Variants in SLC9A7 observed in about 807,000 individuals in gnomAD.
The protein encoded by SLC9A7 is solute carrier family 9 member A7.
Under a neutral mutation model 52.6 loss-of-function variants are expected in SLC9A7, and 19 were observed. The ratio of observed to expected loss-of-function variants is 0.36; its 90% CI spans 0.25 to 0.53. SLC9A7 has a LOEUF of 0.53. SLC9A7 is among the 20% of genes least tolerant of loss of function. SLC9A7 has a pLI of 0.91. For synonymous variants in SLC9A7, 226 were observed against 252.1 expected, an observed-to-expected ratio of 0.90 and a Z score of 0.98; for missense variants, 455 against 597.9, an observed-to-expected ratio of 0.76 and a Z score of 2.49.
intron 1 of SLC9A7, among the ~76,000 whole-genome samples, chrX:46,728,596 T>A (rs1179927448): frequency 8.9e-6 from 1 of 112,406 alleles, no homozygotes; most frequent in African/African-American, 3.2e-5. Context: ...TTTTTAAAGT[T>A]AAACATACAC....
intron 1 of SLC9A7, among the ~76,000 whole-genome samples, chrX:46,729,821 A>G (rs987653013): frequency 8.9e-6 from 1 of 111,966 alleles, no homozygotes; most frequent in Non-Finnish European, 1.9e-5. Context: ...TCTTGCCTTC[A>G]ATGTCAAACT....
intron 1 of SLC9A7, among the ~76,000 whole-genome samples, chrX:46,684,590 A>G (rs28445915): frequency 0.23 from 25,730 of 111,580 alleles, 2,397 homozygotes; most frequent in South Asian, 0.4. Flanking sequence ...TGAAAGCTCC[A>G]TAACTCAGAT....
At chrX:46,696,275 T>G (rs1180626692) in intron 1 of SLC9A7, among the ~76,000 whole-genome samples, 1 of 111,140 alleles carries the variant, frequency 9.0e-6, no homozygotes. Context: ...CGTGAGCGAC[T>G]GCGCCCAGCC....
chrX:46,693,547 TA>T (rs1481856746), intron 1 of SLC9A7, among the ~76,000 whole-genome samples: 1 of 110,245 alleles, frequency 9.1e-6, no homozygotes, highest in Non-Finnish European at 1.9e-5. Context: ...AAGATGAACT[TA>T]GACTCTGACC....
In SLC9A7 at chrX:46,682,462, A is replaced by G. The variant is rs1440785573; in HGVS notation, c.399T>C (p.Thr133=). ...TSGRDKSLSC[T]QEDRAFSTLL... is the part of the protein sequence containing the mutation. ...AGGTACTGAAGGCCCTGTCTTCCTG[A>G]GTGCAGCTGAGTGATTTGTCACGGC... Residue 133 remains threonine (T), a synonymous_variant, in exon 2 of 17, where the codon ACT becomes ACC. Coordinates refer to ENST00000616978, the MANE Select transcript of SLC9A7 (RefSeq NM_001257291.2). 1 of 1,211,209 alleles carries G rather than the reference A, an allele frequency of 8.3e-7. No individual in the cohort carries two copies. The highest frequency in any genetic ancestry group is 3.0e-5 in the East Asian group (1 of 33,828).
chrX:46,660,965 C>T (rs1943806515), intron 7 of SLC9A7, among the ~76,000 whole-genome samples: 2 of 109,098 alleles, frequency 1.8e-5, no homozygotes, highest in African/African-American at 6.7e-5. Context: ...AGACTTGGAA[C>T]CAACCCAAAT....
At position 46,606,843 on chromosome X, in the gene SLC9A7, AAG is replaced by A; in HGVS notation, c.*107_*108del. 8.6e-7 allele frequency: 1 copy of A among 1,162,884 alleles called. No homozygotes were observed. Among genetic ancestry groups the A allele is most frequent in the Non-Finnish European group, 1.1e-6 (1 of 870,747 alleles). ...ATAGCTTCAGACCCCAATAAAATAG[AAG>A]AGTTAGTTCAATCTAGTCACTGCCC... On this transcript the variant is annotated 3_prime_UTR_variant, in exon 17 of 17. Transcript: ENST00000616978.
intron 1 of SLC9A7, among the ~76,000 whole-genome samples, chrX:46,723,047 C>A (rs1178314967): frequency 2.7e-5 from 3 of 110,901 alleles, no homozygotes; most frequent in African/African-American, 9.8e-5. Flanking sequence ...ACCTAGAAAC[C>A]AAATCACTGC....
At chrX:46,661,891 A>T (rs1200260234) in intron 7 of SLC9A7, 125 bp downstream of exon 7, 4 of 594,750 alleles carry the variant, frequency 6.7e-6, no homozygotes, top group Non-Finnish European at 5.1e-6. Context: ...TTCAGGAGCC[A>T]TCATGCCCCA....
chrX:46,652,034 T>C (rs1273376358), intron 8 of SLC9A7, among the ~76,000 whole-genome samples: 4 of 110,038 alleles, frequency 3.6e-5, no homozygotes, highest in Non-Finnish European at 7.6e-5. Context: ...CCATCTGTAG[T>C]TGGCATATAG....
rs373925322 is a variant in SLC9A7, at chrX:46,671,349, C to T, written c.680+1202G>A. Among the ~76,000 whole-genome samples the T allele has an allele frequency of 7.9e-4, 88 of 110,693 alleles. 1 individual carries two copies. In the South Asian group the frequency reaches 0.034, roughly 43 times the overall value. ...AATCTCGGCTCACTGCAAGCTCCGC[C>T]TCCCGGGTTCATGCTATTCTCCTGC... On this transcript the variant is annotated intron_variant, in intron 4 of 16. Coordinates refer to ENST00000616978, the MANE Select transcript of SLC9A7 (RefSeq NM_001257291.2).
chrX:46,601,673 TG>T lies in SLC9A7; in HGVS notation c.*5278del, dbSNP rs1202112633. 1.8e-5 allele frequency: 2 copies of T among 112,655 alleles called. No homozygotes were observed. Among genetic ancestry groups the T allele is most frequent in the Non-Finnish European group, 3.8e-5 (2 of 53,306 alleles). 9.3% of individuals were successfully genotyped at this position (112,655 alleles called of 1,213,427 possible). Reference sequence around the variant, plus strand: ...TGTCTGATCACCCCAGTAACCACCCTGGATGCTCGGATCCATATGCCCTTCC... The same window carrying T: ...TGTCTGATCACCCCAGTAACCACCCTGATGCTCGGATCCATATGCCCTTCC... On this transcript the variant is annotated 3_prime_UTR_variant, in exon 17 of 17. Coordinates refer to ENST00000616978, the MANE Select transcript of SLC9A7 (RefSeq NM_001257291.2).
chrX:46,673,146 T>C (rs1244318311), intron 3 of SLC9A7, among the ~76,000 whole-genome samples: 3 of 111,708 alleles, frequency 2.7e-5, no homozygotes, highest in African/African-American at 6.5e-5. Context: ...CGTCTCCTTA[T>C]ATTCATCTAG....
intron 10 of SLC9A7, among the ~76,000 whole-genome samples, chrX:46,649,737 G>A (rs1325388587): frequency 2.7e-5 from 3 of 112,250 alleles, no homozygotes; most frequent in South Asian, 3.6e-4. Context: ...TTTTTCTTCC[G>A]TTTTCTTTGT....
rs146096476 is a variant in SLC9A7, at chrX:46,654,041, G to A, written c.1042-327C>T. Among the ~76,000 whole-genome samples, 129 of 111,049 alleles carry A rather than the reference G, an allele frequency of 1.2e-3. 1 individual carries two copies. The highest frequency in any genetic ancestry group is 3.9e-3 in the African/African-American group (118 of 30,505). ...ACATTGTGAATGCGGAATTGTGCAC[G>A]TAAAGATGGTTAAATGACAAATCTC... On this transcript the variant is annotated intron_variant, in intron 7 of 16. Coordinates refer to ENST00000616978, the MANE Select transcript of SLC9A7 (RefSeq NM_001257291.2).
At chrX:46,702,987 G>A (rs1026719525) in intron 1 of SLC9A7, among the ~76,000 whole-genome samples, 1 of 112,249 alleles carries the variant, frequency 8.9e-6, no homozygotes, top group African/African-American at 3.2e-5. Flanking sequence ...TGGTATGGAA[G>A]GGTATTGCAC....
chrX:46,701,314 G>A (rs772912175), intron 1 of SLC9A7, among the ~76,000 whole-genome samples: 4 of 111,570 alleles, frequency 3.6e-5, no homozygotes, highest in African/African-American at 6.5e-5. Flanking sequence ...TGGGCCGGGC[G>A]CGGTGGCTCA....
Position 46,635,635 on chromosome X carries a change from C to T in SLC9A7, c.1630G>A (p.Glu544Lys). The T allele has an allele frequency of 3.3e-6, 4 of 1,209,765 alleles. No homozygotes were observed. Among genetic ancestry groups the T allele is most frequent in the Non-Finnish European group, 4.5e-6 (4 of 893,872 alleles). Residue 544 changes from glutamate to lysine, a missense_variant, in exon 13 of 17, where the codon GAG (glutamate) becomes AAG (lysine). Physicochemically the swap from Glu to Lys is moderately conservative, Grantham distance 56 (BLOSUM62 1). Transcript: ENST00000616978. ...TCATTCTGGTCCTCTTCGGAGGGCTCCTCGACGCCAACTCTGGGCAGCAGA... is the reference window on the plus strand; with the variant it reads ...TCATTCTGGTCCTCTTCGGAGGGCTTCTCGACGCCAACTCTGGGCAGCAGA... ...SWLNIRVGVE[E>K]PSEEDQNEHH...
chrX:46,713,528 A>G lies in SLC9A7; in HGVS notation c.326-30993T>C, dbSNP rs1428456093. Among the ~76,000 whole-genome samples, 3 of 109,202 alleles carry G rather than the reference A, an allele frequency of 2.7e-5. No homozygotes were observed. In the East Asian group the frequency reaches 8.6e-4, roughly 31 times the overall value. 94.8% of individuals were successfully genotyped at this position (109,202 alleles called of 115,157 possible). A position where few individuals can be genotyped will look rare whatever the true frequency, so the allele number is the denominator to read the frequency against. ...AAAAAAATTAAAAAAAAAAGACAAA[A>G]GAAAAGAAAAGAAAATGCACAAGGC... On this transcript the variant is annotated intron_variant, in intron 1 of 16. Coordinates refer to ENST00000616978, the MANE Select transcript of SLC9A7 (RefSeq NM_001257291.2).
Sources: gnomAD v4.1 joint callset for allele counts (sites outside exome capture counted in the v4.1 genomes callset) on GRCh38, gnomAD v4.1.1 for gene constraint, MANE v1.5 for transcripts, NCBI Gene and HGNC (gene_info 2026-07-23, HGNC 2026-07-21) for gene names.